Variants in TSHZ2 observed in about 807,000 individuals in gnomAD.
The protein encoded by TSHZ2 is teashirt zinc finger homeobox 2, also known as teashirt homolog 2.
Under a neutral mutation model 74.4 loss-of-function variants are expected in TSHZ2, and 21 were observed. The ratio of observed to expected loss-of-function variants is 0.28; its 90% CI spans 0.20 to 0.41. The LOEUF is 0.41. Among genes scored for constraint, TSHZ2 ranks in the 10% least tolerant of loss-of-function variants. The pLI is 1.00. For synonymous variants in TSHZ2, 540 were observed against 515.3 expected (o/e 1.05, Z -0.65); for missense variants, 1,244 against 1,293.5 (o/e 0.96, Z 0.59).
chr20:53,393,640 A>G (rs1982340080), intron 2 of TSHZ2, among the ~76,000 whole-genome samples: 1 of 150,030 alleles, frequency 6.7e-6, no homozygotes, highest in Non-Finnish European at 1.5e-5. Context: ...TGCAAGGGAC[A>G]AAGTTGCATA....
chr20:53,436,539 ATTATTATTATTTTTT>A (rs1984080339), intron 2 of TSHZ2, among the ~76,000 whole-genome samples: 1 of 90,036 alleles, frequency 1.1e-5, no homozygotes, highest in Admixed American at 1.3e-4. Flanking sequence ...TATTATTATT[ATTATTATTATTTTTT>A]TTTTTTTTTT....
At chr20:53,041,414 G>A (rs1984036461) in intron 1 of TSHZ2, among the ~76,000 whole-genome samples, 1 of 152,172 alleles carries the variant, frequency 6.6e-6, no homozygotes, top group Admixed American at 6.5e-5. Flanking sequence ...GAGTCTCCAT[G>A]CCCAGTCCTA....
chr20:53,218,336 A>G (rs1989480816), intron 1 of TSHZ2, among the ~76,000 whole-genome samples: 1 of 152,250 alleles, frequency 6.6e-6, no homozygotes, highest in South Asian at 2.1e-4. Flanking sequence ...TGCATTAAGC[A>G]AGATCAAACT....
At chr20:53,458,690 G>A (rs905579548) in intron 2 of TSHZ2, among the ~76,000 whole-genome samples, 1 of 151,770 alleles carries the variant, frequency 6.6e-6, no homozygotes, top group Non-Finnish European at 1.5e-5. Context: ...GCTTTCTCTT[G>A]TGAGCATTTA....
At chr20:53,238,836 TAAAAAAA>T (rs746136673) in intron 1 of TSHZ2, among the ~76,000 whole-genome samples, 9 of 65,994 alleles carry the variant, frequency 1.4e-4, no homozygotes, top group Non-Finnish European at 2.2e-4. Context: ...ATCTTATATC[TAAAAAAA>T]AAAAAAAAAA....
intron 1 of TSHZ2, among the ~76,000 whole-genome samples, chr20:53,144,316 C>T (rs1987485091): frequency 6.6e-6 from 1 of 152,162 alleles, no homozygotes; most frequent in African/African-American, 2.4e-5. Context: ...TGGGAAAGGG[C>T]TGTTATCGTC....
chr20:53,234,785 G>A (rs374352023), intron 1 of TSHZ2, among the ~76,000 whole-genome samples: 60 of 152,216 alleles, frequency 3.9e-4, no homozygotes, highest in African/African-American at 6.0e-4. Context: ...AGAAGAAAGC[G>A]TTGGAGACCA....
intron 1 of TSHZ2, among the ~76,000 whole-genome samples, chr20:53,034,985 G>A (rs1299997418): frequency 6.6e-6 from 1 of 152,194 alleles, no homozygotes; most frequent in East Asian, 1.9e-4. Flanking sequence ...TAGCAGGAAG[G>A]CAAGTAAGGA....
At chr20:53,198,434 A>T (rs6013646) in intron 1 of TSHZ2, 106,411 of 152,110 alleles carry the variant, frequency 0.7, 39,178 homozygotes, top group African/African-American at 0.92. Flanking sequence ...TAGGTATAAG[A>T]CTTAATCCCA....
At chr20:53,048,730 G>A (rs1270722738) in intron 1 of TSHZ2, among the ~76,000 whole-genome samples, 1 of 152,168 alleles carries the variant, frequency 6.6e-6, no homozygotes. Context: ...ATGGCTTCTA[G>A]TTCACTCAGT....
At chr20:53,191,250 A>C (rs989883979) in intron 1 of TSHZ2, among the ~76,000 whole-genome samples, 2 of 152,234 alleles carry the variant, frequency 1.3e-5, no homozygotes, top group African/African-American at 4.8e-5. Flanking sequence ...ATTCATAACT[A>C]TGCATTATAC....
At chr20:53,217,878 A>G (rs1989472095) in intron 1 of TSHZ2, among the ~76,000 whole-genome samples, 2 of 152,212 alleles carry the variant, frequency 1.3e-5, no homozygotes, top group South Asian at 4.1e-4. Flanking sequence ...CTTTGCAAAC[A>G]AAAAAACTAA....
Position 52,992,367 on chromosome 20 carries a change from G to A in TSHZ2, c.40+19034G>A, listed in dbSNP as rs543146542. ...TGACTGTAGTAGGATCTTAGTAAATGTCATATAGATAAACCGATGCATGCA... is the reference window on the plus strand; with the variant it reads ...TGACTGTAGTAGGATCTTAGTAAATATCATATAGATAAACCGATGCATGCA... On this transcript the variant is annotated intron_variant, in intron 1 of 2. Transcript: ENST00000371497. Among the ~76,000 whole-genome samples the A allele has an allele frequency of 1.4e-4, 21 of 152,296 alleles. No homozygotes were observed. The South Asian group carries it at 3.5e-3, about 26-fold the overall frequency.
At chr20:53,387,562 A>C (rs1225532110) in intron 2 of TSHZ2, among the ~76,000 whole-genome samples, 2 of 152,182 alleles carry the variant, frequency 1.3e-5, no homozygotes, top group African/African-American at 4.8e-5. Flanking sequence ...GCTGGGGAGC[A>C]CCTGGACCTC....
At chr20:53,458,021 T>G (rs1985177943) in intron 2 of TSHZ2, among the ~76,000 whole-genome samples, 1 of 151,986 alleles carries the variant, frequency 6.6e-6, no homozygotes, top group Non-Finnish European at 1.5e-5. Flanking sequence ...TAAAATTCTC[T>G]TTTTTGGTTG....
At chr20:53,068,567 C>T (rs1985071065) in intron 1 of TSHZ2, among the ~76,000 whole-genome samples, 1 of 152,156 alleles carries the variant, frequency 6.6e-6, no homozygotes, top group African/African-American at 2.4e-5. Context: ...TCTTCCATGG[C>T]ACTGACCACA....
intron 1 of TSHZ2, among the ~76,000 whole-genome samples, chr20:53,249,025 G>A (rs1001692303): frequency 2.0e-5 from 3 of 150,398 alleles, no homozygotes; most frequent in African/African-American, 7.3e-5. Context: ...TTTTTTAGTC[G>A]AAACTGGGTT....
intron 1 of TSHZ2, among the ~76,000 whole-genome samples, chr20:53,183,673 G>T (rs1014973563): frequency 6.6e-6 from 1 of 152,150 alleles, no homozygotes; most frequent in African/African-American, 2.4e-5. Context: ...CTGGAATGCA[G>T]GATAAGACAT....
rs561595999 is a variant in TSHZ2 at position 53,341,067 on chromosome 20, A to T, written c.*8+84496A>T. ...GATCCTTCAGGCCAAGACTTTATTGACCTTTGTGTTCCTAGCCCCCTTCTA... is the reference window on the plus strand; with the variant it reads ...GATCCTTCAGGCCAAGACTTTATTGTCCTTTGTGTTCCTAGCCCCCTTCTA... On this transcript the variant is annotated intron_variant, in intron 2 of 2. Coordinates refer to ENST00000371497, the MANE Select transcript of TSHZ2 (RefSeq NM_173485.6). Among the ~76,000 whole-genome samples, 4 of 152,264 alleles carry T rather than the reference A, an allele frequency of 2.6e-5. No homozygotes were observed. In the East Asian group the frequency reaches 5.8e-4, roughly 22 times the overall value.
Sources: gnomAD v4.1 joint callset for allele counts (sites outside exome capture counted in the v4.1 genomes callset) on GRCh38, gnomAD v4.1.1 for gene constraint, MANE v1.5 for transcripts, NCBI Gene and HGNC (gene_info 2026-07-23, HGNC 2026-07-21) for gene names.